Variants in RFX6 observed in about 807,000 individuals in gnomAD.
RFX6 encodes regulatory factor X6.
RFX6 carries 50 observed loss-of-function variants against 110.8 expected under a neutral mutation model. That is an observed-to-expected ratio of 0.45 (90% CI 0.36 to 0.57). The LOEUF (loss-of-function observed/expected upper bound fraction) is 0.57. RFX6 is among the 20% of genes least tolerant of loss of function. The probability of loss-of-function intolerance (pLI) is 0.00; values close to 1 mark genes in which losing one functional copy is unlikely to be tolerated. For synonymous variants in RFX6, 383 were observed against 411.2 expected (o/e 0.93, Z 0.83); for missense variants, 990 against 1,127.0 (o/e 0.88, Z 1.74).
intron 6 of RFX6, among the ~76,000 whole-genome samples, chr6:116,906,544 T>G (rs946179967): frequency 6.6e-6 from 1 of 152,198 alleles, no homozygotes; most frequent in Admixed American, 6.5e-5. Context: ...TTCAGCTCTT[T>G]TATGTAGTTT....
chr6:116,880,729 A>C, intron 3 of RFX6, 62 bp downstream of exon 3: 2 of 1,561,590 alleles, frequency 1.3e-6, no homozygotes, highest in Non-Finnish European at 1.8e-6. Context: ...AGATAGCATG[A>C]AAATGAATTC....
At chr6:116,888,579 T>C (rs1380284267) in intron 4 of RFX6, among the ~76,000 whole-genome samples, 3 of 152,154 alleles carry the variant, frequency 2.0e-5, no homozygotes, top group Non-Finnish European at 2.9e-5. Context: ...TTAATAGAAA[T>C]GGATAATAAT....
chr6:116,894,551 T>G (rs1774899886), intron 5 of RFX6, among the ~76,000 whole-genome samples: 1 of 152,122 alleles, frequency 6.6e-6, no homozygotes, highest in African/African-American at 2.4e-5. Flanking sequence ...CTGTTTGGGT[T>G]TCTATGAAAG....
chr6:116,877,518 C>G lies in RFX6; in HGVS notation c.223+20C>G. The stretch of plus-strand genomic sequence containing the variant: ...AATCAGGTGAGTGCTCTGCCGCATC[C>G]GGAGCTGGGAAGGGGACGGGGACGT... On this transcript the variant is annotated intron_variant, in intron 1 of 18. Transcript: ENST00000332958. 6.5e-7 allele frequency: 1 copy of G among 1,534,648 alleles called. No individual in the cohort carries two copies. Among genetic ancestry groups the G allele is most frequent in the Non-Finnish European group, 8.8e-7 (1 of 1,134,764 alleles).
intron 6 of RFX6, among the ~76,000 whole-genome samples, chr6:116,906,231 T>C (rs1775199685): frequency 6.6e-6 from 1 of 152,238 alleles, no homozygotes; most frequent in Non-Finnish European, 1.5e-5. Context: ...TTGGTTTATG[T>C]GTCTGTCTTC....
intron 7 of RFX6, among the ~76,000 whole-genome samples, chr6:116,915,091 G>A (rs1775434746): frequency 6.6e-6 from 1 of 152,122 alleles, no homozygotes; most frequent in Non-Finnish European, 1.5e-5. Context: ...CTGGCAACAG[G>A]TAGGGAAATT....
intron 4 of RFX6, 145 bp downstream of exon 4, chr6:116,882,573 A>G: frequency 1.6e-6 from 1 of 623,598 alleles, no homozygotes; most frequent in Non-Finnish European, 2.9e-6. Flanking sequence ...AGAACTGAAA[A>G]AAAAAAAAAG....
intron 6 of RFX6, among the ~76,000 whole-genome samples, chr6:116,905,796 C>A (rs1775188824): frequency 6.6e-6 from 1 of 152,002 alleles, no homozygotes; most frequent in East Asian, 1.9e-4. Flanking sequence ...ATGATCCACC[C>A]ACCTCAGCCT....
At position 116,877,275 on chromosome 6, in the gene RFX6, G is replaced by A; in HGVS notation, c.-1G>A. The A allele has an allele frequency of 6.2e-7, 1 of 1,607,798 alleles. No homozygotes were observed. The highest frequency in any genetic ancestry group is 1.1e-5 in the South Asian group (1 of 90,376). ...CGCGGAGGTGTCCGGCGGCCAGGAG[G>A]ATGGCCAAGGTCCCGGAGCTGGAAG... On this transcript the variant is annotated 5_prime_UTR_variant, in exon 1 of 19. Coordinates refer to ENST00000332958, the MANE Select transcript of RFX6 (RefSeq NM_173560.4).
At chr6:116,879,038 C>T (rs1347486331) in intron 2 of RFX6, among the ~76,000 whole-genome samples, 3 of 151,812 alleles carry the variant, frequency 2.0e-5, no homozygotes, top group Admixed American at 1.3e-4. Flanking sequence ...TAGGATACAA[C>T]TATTTGCAGC....
rs571525298 is a variant in RFX6, at chr6:116,926,191, G to A, written c.1885+532G>A. ...AAATTAGCCGGGCTTGGTGGCAGGCGCCTGTACTCTCTCTTGAACCCAGGA... is the reference window on the plus strand; with the variant it reads ...AAATTAGCCGGGCTTGGTGGCAGGCACCTGTACTCTCTCTTGAACCCAGGA... On this transcript the variant is annotated intron_variant, in intron 16 of 18. Coordinates refer to ENST00000332958, the MANE Select transcript of RFX6 (RefSeq NM_173560.4). Among the ~76,000 whole-genome samples, 11 of 152,146 alleles carry A rather than the reference G, an allele frequency of 7.2e-5. 1 individual carries two copies. The highest frequency in any genetic ancestry group is 7.2e-4 in the Admixed American group (11 of 15,286).
intron 12 of RFX6, 23 bp downstream of exon 12, chr6:116,920,477 G>T: frequency 6.2e-7 from 1 of 1,607,368 alleles, no homozygotes; most frequent in Non-Finnish European, 8.5e-7. Context: ...TCTTTGTTTA[G>T]AACAAGGTTT....
chr6:116,918,757 C>G (rs1046445347), intron 10 of RFX6, among the ~76,000 whole-genome samples: 5 of 151,896 alleles, frequency 3.3e-5, no homozygotes, highest in African/African-American at 9.7e-5. Context: ...TTTTATTTAC[C>G]TTTTCCTCCA....
intron 6 of RFX6, among the ~76,000 whole-genome samples, chr6:116,897,593 A>G (rs1295836078): frequency 6.6e-6 from 1 of 152,170 alleles, no homozygotes; most frequent in African/African-American, 2.4e-5. Context: ...TATGCATCAG[A>G]CTTGGTGTTT....
At chr6:116,920,168 C>A in intron 11 of RFX6, 142 bp from the exon 12 acceptor site, 1 of 712,616 alleles carries the variant, frequency 1.4e-6, no homozygotes, top group Admixed American at 2.0e-5. Context: ...TGAGTCTCAG[C>A]TACTGCTTTT....
rs1296945276 is a variant in RFX6 at position 116,889,947 on chromosome 6, T to A, written c.567-4040T>A. ...AGCTTACATTCTGCGAGTTTATACA[T>A]GAAATGTCAAATATGAAACATCCAG... is the stretch of plus-strand genomic sequence containing the variant. On this transcript the variant is annotated intron_variant, in intron 4 of 18. Coordinates refer to ENST00000332958, the MANE Select transcript of RFX6 (RefSeq NM_173560.4). 8.5e-5 allele frequency among the ~76,000 whole-genome samples: 13 copies of A among 152,104 alleles called. No homozygotes were observed. The East Asian group carries it at 2.1e-3, about 25-fold the overall frequency.
chr6:116,893,977 T>G lies in RFX6; in HGVS notation c.567-10T>G, dbSNP rs1308842303. ...CACTAACACAGAGCTGGTTCCTGTC[T>G]TTGCTCTAGGTATCATTACTATGGG... On this transcript the variant is annotated splice_polypyrimidine_tract_variant and intron_variant, in intron 4 of 18. Coordinates refer to ENST00000332958, the MANE Select transcript of RFX6 (RefSeq NM_173560.4). The G allele has an allele frequency of 1.3e-6, 2 of 1,531,072 alleles. No homozygotes were observed. Among genetic ancestry groups the G allele is most frequent in the Admixed American group, 3.3e-5 (2 of 59,906 alleles). 94.8% of individuals were successfully genotyped at this position (1,531,072 alleles called of 1,614,324 possible). A position where few individuals can be genotyped will look rare whatever the true frequency, so the allele number is the denominator to read the frequency against.
rs757443771 is a variant in RFX6, at chr6:116,919,313, G to C, written c.1182+17G>C. 6.2e-7 allele frequency: 1 copy of C among 1,608,672 alleles called. No homozygotes were observed. The highest frequency in any genetic ancestry group is 8.5e-7 in the Non-Finnish European group (1 of 1,175,228). Reference sequence around the variant, plus strand: ...CTTGCCCAGGTATGTTGGTTGCTAAGTCGAGAGCATTTGAGTCACCATATA... The same window carrying C: ...CTTGCCCAGGTATGTTGGTTGCTAACTCGAGAGCATTTGAGTCACCATATA... On this transcript the variant is annotated intron_variant, in intron 11 of 18. Coordinates refer to ENST00000332958, the MANE Select transcript of RFX6 (RefSeq NM_173560.4).
intron 6 of RFX6, among the ~76,000 whole-genome samples, chr6:116,898,394 A>C (rs1464096282): frequency 6.6e-6 from 1 of 152,108 alleles, no homozygotes; most frequent in Non-Finnish European, 1.5e-5. Context: ...CAGTGGCACA[A>C]TCTTGACTCA....
Sources: gnomAD v4.1 joint callset for allele counts (sites outside exome capture counted in the v4.1 genomes callset) on GRCh38, gnomAD v4.1.1 for gene constraint, MANE v1.5 for transcripts, NCBI Gene and HGNC (gene_info 2026-07-23, HGNC 2026-07-21) for gene names.